Variants in PEX14 observed in about 807,000 individuals in gnomAD.
PEX14 encodes peroxisomal membrane protein PEX14.
PEX14 carries 15 observed loss-of-function variants against 49.5 expected under a neutral mutation model. The ratio of observed to expected loss-of-function variants is 0.30; its 90% CI spans 0.20 to 0.47. The LOEUF (loss-of-function observed/expected upper bound fraction) is 0.47. Ranked by LOEUF, PEX14 falls within the 20% of genes least tolerant of loss-of-function variation. The pLI, the probability that PEX14 is intolerant of heterozygous loss-of-function variation, is 1.00. For synonymous variants in PEX14, 210 were observed against 212.7 expected (o/e 0.99, Z 0.11); for missense variants, 398 against 494.8 (o/e 0.80, Z 1.86).
intron 3 of PEX14, among the ~76,000 whole-genome samples, chr1:10,543,043 A>G (rs1038360068): frequency 6.6e-6 from 1 of 152,254 alleles, no homozygotes; most frequent in Non-Finnish European, 1.5e-5. Flanking sequence ...AAGGAAGTTA[A>G]TAAGAGGAAA....
At chr1:10,558,760 A>G (rs1421576771) in intron 3 of PEX14, among the ~76,000 whole-genome samples, 1 of 151,154 alleles carries the variant, frequency 6.6e-6, no homozygotes, top group East Asian at 1.9e-4. Flanking sequence ...AAAAAAAGAA[A>G]GAAAGAAATT....
chr1:10,562,234 T>C (rs1405955480), intron 3 of PEX14, among the ~76,000 whole-genome samples: 1 of 152,154 alleles, frequency 6.6e-6, no homozygotes, highest in Non-Finnish European at 1.5e-5. Context: ...TCTTGTCTTC[T>C]TTTCTCCACC....
In PEX14 at chr1:10,629,951, G is replaced by A; in HGVS notation, c.1098G>A (p.Arg366=). 6.2e-7 allele frequency: 1 copy of A among 1,611,238 alleles called. No individual in the cohort carries two copies. Residue 366 remains arginine, a synonymous_variant, in exon 9 of 9, where the codon CGG becomes CGA. Transcript: ENST00000356607. The surrounding 1 kb of genome is among the most constrained non-coding windows in gnomAD (Gnocchi z 8.5). ...QINEQVEKLR[R]PEGASNESER... is the part of the protein sequence containing the mutation. ...ACGAGCAGGTGGAGAAGCTGCGGCGGCCCGAGGGCGCCAGCAACGAGAGTG... is the reference window on the plus strand; with the variant it reads ...ACGAGCAGGTGGAGAAGCTGCGGCGACCCGAGGGCGCCAGCAACGAGAGTG...
chr1:10,588,614 A>C (rs1195693381), intron 3 of PEX14, among the ~76,000 whole-genome samples: 1 of 152,206 alleles, frequency 6.6e-6, no homozygotes, highest in Non-Finnish European at 1.5e-5. Context: ...TGAGATGTGG[A>C]TCATCCCTTT....
intron 3 of PEX14, among the ~76,000 whole-genome samples, chr1:10,572,544 AT>A (rs1403527611): frequency 6.6e-6 from 1 of 152,060 alleles, no homozygotes; most frequent in African/African-American, 2.4e-5. Flanking sequence ...GTTCTTTTTT[AT>A]TTTTATTTTG....
In PEX14 at chr1:10,623,684, C is replaced by T. The variant is rs1418247128; in HGVS notation, c.487+563C>T. On this transcript the variant is annotated intron_variant, in intron 6 of 8. Coordinates refer to ENST00000356607, the MANE Select transcript of PEX14 (RefSeq NM_004565.3). This position sits in a 1 kb window ranked among gnomAD's most constrained non-coding sequence, Gnocchi z 4.4. ...GCAGCTCTGAATCTAAAAACCAGAG[C>T]AAGGCCAATGAGAGAGCCACCTGTC... Among the ~76,000 whole-genome samples the T allele has an allele frequency of 1.3e-5, 2 of 152,218 alleles. No homozygotes were observed. Among genetic ancestry groups the T allele is most frequent in the Non-Finnish European group, 2.9e-5 (2 of 68,038 alleles).
At chr1:10,498,682 C>G (rs551875771) in intron 2 of PEX14, among the ~76,000 whole-genome samples, 3 of 152,320 alleles carry the variant, frequency 2.0e-5, no homozygotes, top group South Asian at 4.1e-4. Context: ...GAGTATTGCT[C>G]TCTAATATCA....
intron 5 of PEX14, 131 bp from the exon 6 acceptor site, chr1:10,622,888 T>G: frequency 4.3e-6 from 3 of 703,318 alleles, no homozygotes; most frequent in East Asian, 5.6e-5. Flanking sequence ...ATCTTGTTCA[T>G]TTATGGTGTT....
chr1:10,584,343 G>C (rs531733184), intron 3 of PEX14, among the ~76,000 whole-genome samples: 12 of 152,308 alleles, frequency 7.9e-5, no homozygotes, highest in Admixed American at 2.0e-4. Flanking sequence ...CAGGTGGGCA[G>C]AGGGATATTA....
chr1:10,570,607 C>G (rs148769987), intron 3 of PEX14, among the ~76,000 whole-genome samples: 1,777 of 152,268 alleles, frequency 0.012, 18 homozygotes, highest in Non-Finnish European at 0.019. Context: ...GCTGGGATTA[C>G]AGGCATGAGC....
chr1:10,591,383 G>A (rs1353238224), intron 3 of PEX14, among the ~76,000 whole-genome samples: 2 of 152,082 alleles, frequency 1.3e-5, no homozygotes, highest in Non-Finnish European at 2.9e-5. Context: ...CTTCTGTCTT[G>A]GTTTTTCTCT....
intron 4 of PEX14, 89 bp from the exon 5 acceptor site, chr1:10,618,243 G>A: frequency 1.1e-6 from 1 of 928,208 alleles, no homozygotes; most frequent in Non-Finnish European, 1.8e-6. Context: ...GAGGCGAGGA[G>A]ACTGTGCCAC....
At chr1:10,500,028 T>C (rs1641643247) in intron 2 of PEX14, among the ~76,000 whole-genome samples, 1 of 152,062 alleles carries the variant, frequency 6.6e-6, no homozygotes, top group Non-Finnish European at 1.5e-5. Flanking sequence ...CAAGATTTTC[T>C]CTTTGGTTTA....
chr1:10,614,197 T>C (rs1386788663), intron 4 of PEX14, among the ~76,000 whole-genome samples: 3 of 152,220 alleles, frequency 2.0e-5, no homozygotes. Context: ...AGGAGTCATC[T>C]CTATCCGAGT....
chr1:10,546,975 T>C (rs1358933161), intron 3 of PEX14, among the ~76,000 whole-genome samples: 1 of 152,190 alleles, frequency 6.6e-6, no homozygotes, highest in Non-Finnish European at 1.5e-5. Context: ...AGGTTAGGCC[T>C]TCAGGAATGA....
chr1:10,573,107 T>C (rs914277251), intron 3 of PEX14, among the ~76,000 whole-genome samples: 1 of 152,186 alleles, frequency 6.6e-6, no homozygotes, highest in Non-Finnish European at 1.5e-5. Flanking sequence ...CACTAAACAA[T>C]GGGAATTTTT....
intron 3 of PEX14, among the ~76,000 whole-genome samples, chr1:10,596,363 A>C (rs1640832789): frequency 6.6e-6 from 1 of 152,236 alleles, no homozygotes; most frequent in South Asian, 2.1e-4. Flanking sequence ...TTGTTCAAAA[A>C]GTTGTCCAGG....
intron 2 of PEX14, among the ~76,000 whole-genome samples, chr1:10,508,214 G>GA (rs1641821132): frequency 6.7e-6 from 1 of 148,900 alleles, no homozygotes; most frequent in South Asian, 2.1e-4. Context: ...TTTTGTTTTT[G>GA]TTTTTTTTTT....
Position 10,618,324 on chromosome 1 carries a change from G to A in PEX14, c.299-8G>A, listed in dbSNP as rs112851814. On this transcript the variant is annotated splice_polypyrimidine_tract_variant and splice_region_variant and intron_variant, in intron 4 of 8. Coordinates refer to ENST00000356607, the MANE Select transcript of PEX14 (RefSeq NM_004565.3). ...GTCTTCTAACCCTCCTCCTCTTCCCGCCTGTAGGTCCCGCAGGCTCCCGAT... is the reference window on the plus strand; with the variant it reads ...GTCTTCTAACCCTCCTCCTCTTCCCACCTGTAGGTCCCGCAGGCTCCCGAT... The A allele has an allele frequency of 6.4e-5, 104 of 1,613,052 alleles. No individual in the cohort carries two copies. The African/African-American group carries it at 1.1e-3, about 17-fold the overall frequency.
Sources: allele counts gnomAD v4.1 joint callset (sites outside exome capture counted in the v4.1 genomes callset), GRCh38; gene constraint gnomAD v4.1.1; non-coding constraint Gnocchi (gnomAD v3.1); transcripts MANE v1.5; gene names NCBI Gene and HGNC (gene_info 2026-07-23, HGNC 2026-07-21).